CDYL: variants seen among roughly 807,000 people sequenced by gnomAD.
CDYL encodes chromodomain Y like, also known as chromodomain Y-like protein.
CDYL carries 8 observed loss-of-function variants against 47.3 expected under a neutral mutation model. The ratio of observed to expected loss-of-function variants is 0.17; its 90% CI spans 0.10 to 0.31. The LOEUF (loss-of-function observed/expected upper bound fraction) is 0.31. Among genes scored for constraint, CDYL ranks in the 10% least tolerant of loss-of-function variants. CDYL has a pLI of 1.00. For synonymous variants in CDYL, 266 were observed against 265.0 expected (o/e 1.00, Z -0.04); for missense variants, 471 against 701.4 (o/e 0.67, Z 3.71).
chr6:4,757,075 A>T (rs192692330), intron 3 of CDYL, among the ~76,000 whole-genome samples: 71 of 152,350 alleles, frequency 4.7e-4, no homozygotes, highest in Non-Finnish European at 9.6e-4. Flanking sequence ...ACTGATTGAC[A>T]TGAATAAATA....
At chr6:4,810,057 C>T (rs1174688577) in intron 1 of CDYL, among the ~76,000 whole-genome samples, 1 of 151,580 alleles carries the variant, frequency 6.6e-6, no homozygotes, top group African/African-American at 2.4e-5. Flanking sequence ...TATATTAGTC[C>T]TTGGTGATGT....
chr6:4,820,504 G>A (rs757604072), intron 1 of CDYL, among the ~76,000 whole-genome samples: 2 of 152,104 alleles, frequency 1.3e-5, no homozygotes, highest in Admixed American at 6.5e-5. Context: ...TGGCAGCATC[G>A]GACCTTTGGG....
chr6:4,900,805 A>ATG (rs1561697603), intron 2 of CDYL, among the ~76,000 whole-genome samples: 7 of 83,904 alleles, frequency 8.3e-5, no homozygotes, highest in African/African-American at 3.3e-4. Flanking sequence ...ATATATATAT[A>ATG]TATATATATA....
intron 1 of CDYL, among the ~76,000 whole-genome samples, chr6:4,803,957 A>T (rs1438482995): frequency 6.9e-5 from 10 of 144,740 alleles, no homozygotes; most frequent in Admixed American, 6.9e-4. Context: ...AAAATAGCTT[A>T]TGTGTCTCAT....
At chr6:4,935,314 T>C (rs150234332) in intron 2 of CDYL, among the ~76,000 whole-genome samples, 2 of 152,244 alleles carry the variant, frequency 1.3e-5, no homozygotes, top group African/African-American at 4.8e-5. Flanking sequence ...AACAAAAGAG[T>C]GACTTTCTTG....
At chr6:4,709,665 A>G (rs1432715429) in intron 1 of CDYL, among the ~76,000 whole-genome samples, 5 of 152,084 alleles carry the variant, frequency 3.3e-5, no homozygotes, top group Non-Finnish European at 2.9e-5. Context: ...CTGTCTCTCT[A>G]TTCTCTATAT....
At chr6:4,882,420 G>A (rs920148827) in intron 1 of CDYL, among the ~76,000 whole-genome samples, 1 of 152,190 alleles carries the variant, frequency 6.6e-6, no homozygotes, top group Non-Finnish European at 1.5e-5. Context: ...CCCAAACAAT[G>A]CCCTGGTTAT....
chr6:4,924,246 T>A (rs1182501378), intron 2 of CDYL, among the ~76,000 whole-genome samples: 5 of 152,226 alleles, frequency 3.3e-5, no homozygotes, highest in African/African-American at 4.8e-5. Context: ...TGGAGTTGAT[T>A]CTCTGTGAAA....
chr6:4,855,262 C>G (rs1164822623), intron 1 of CDYL, among the ~76,000 whole-genome samples: 3 of 152,102 alleles, frequency 2.0e-5, no homozygotes, highest in Non-Finnish European at 4.4e-5. Context: ...TTAATATCCT[C>G]CCATCAAACA....
chr6:4,837,503 C>T (rs141468302), intron 1 of CDYL, among the ~76,000 whole-genome samples: 1 of 142,754 alleles, frequency 7.0e-6, no homozygotes, highest in Non-Finnish European at 1.5e-5. Context: ...CTTGCTCTGT[C>T]GCCCAGGCTG....
chr6:4,741,607 CT>C (rs1328019830), intron 3 of CDYL, among the ~76,000 whole-genome samples: 4 of 152,178 alleles, frequency 2.6e-5, no homozygotes, highest in Admixed American at 6.6e-5. Context: ...TGGTTCTACT[CT>C]TTTAAGAACA....
At chr6:4,902,986 C>G (rs1484649929) in intron 2 of CDYL, among the ~76,000 whole-genome samples, 1 of 152,188 alleles carries the variant, frequency 6.6e-6, no homozygotes, top group East Asian at 1.9e-4. Context: ...CCTACATTGC[C>G]TAGTCCAATT....
intron 1 of CDYL, among the ~76,000 whole-genome samples, chr6:4,790,547 A>G (rs768066156): frequency 6.6e-6 from 1 of 152,234 alleles, no homozygotes; most frequent in Non-Finnish European, 1.5e-5. Flanking sequence ...TCCCCTGGTC[A>G]TCATACATGG....
rs981537283 is a variant in CDYL, at chr6:4,821,667, C to T, written c.24+44860C>T. ...AGAATCACTTGAATAACTCGGGAGG[C>T]GGAGGTTGCAGTGAACTGAGATCAC... is the stretch of plus-strand genomic sequence containing the variant. On this transcript the variant is annotated intron_variant, in intron 1 of 6. Coordinates refer to ENST00000397588, the MANE Select transcript of CDYL (RefSeq NM_004824.4). 6.7e-5 allele frequency among the ~76,000 whole-genome samples: 10 copies of T among 149,994 alleles called. 2 individuals carry two copies. The highest frequency in any genetic ancestry group is 2.4e-4 in the African/African-American group (10 of 40,846).
In CDYL at chr6:4,732,243, G is replaced by A. The variant is rs1480105836; in HGVS notation, c.104-2519G>A. Among the ~76,000 whole-genome samples the A allele has an allele frequency of 2.0e-5, 3 of 152,164 alleles. 1 individual carries two copies. The highest frequency in any genetic ancestry group is 7.2e-5 in the African/African-American group (3 of 41,436). ...CCAGCTACTCAGGAGGCTGAGGCGG[G>A]AGGATTGCTTGAGCCCCAGAGATTG... On this transcript the variant is annotated intron_variant, in intron 2 of 8. Transcript: ENST00000328908.
intron 2 of CDYL, among the ~76,000 whole-genome samples, chr6:4,716,588 CAAT>C (rs1004835081): frequency 1.6e-5 from 2 of 127,848 alleles, no homozygotes; most frequent in African/African-American, 6.7e-5. Flanking sequence ...GAGAAGGCAG[CAAT>C]AATTTTTTTT....
upstream of CDYL, among the ~76,000 whole-genome samples, chr6:4,771,813 A>G (rs749228264): frequency 2.6e-5 from 4 of 152,238 alleles, no homozygotes; most frequent in Non-Finnish European, 4.4e-5. Context: ...AATTCAAGGG[A>G]AAGTTAAACA....
At chr6:4,722,224 G>A (rs1395363909) in intron 2 of CDYL, among the ~76,000 whole-genome samples, 3 of 152,100 alleles carry the variant, frequency 2.0e-5, no homozygotes, top group Non-Finnish European at 4.4e-5. Flanking sequence ...CCAGTACTTT[G>A]GGAGGCCAAT....
chr6:4,722,535 C>T (rs996131903), intron 2 of CDYL, among the ~76,000 whole-genome samples: 1 of 152,086 alleles, frequency 6.6e-6, no homozygotes, highest in African/African-American at 2.4e-5. Flanking sequence ...CCAACTCATC[C>T]TGGTTAATCT....
Sources: gnomAD v4.1 joint callset for allele counts (sites outside exome capture counted in the v4.1 genomes callset) on GRCh38, gnomAD v4.1.1 for gene constraint, MANE v1.5 for transcripts, NCBI Gene and HGNC (gene_info 2026-07-23, HGNC 2026-07-21) for gene names.